The following MNS1 variants were observed in gnomAD, a reference collection of about 807,000 sequenced individuals.
The protein encoded by MNS1 is meiosis-specific nuclear structural protein 1.
Under a neutral mutation model 72.0 loss-of-function variants are expected in MNS1, and 63 were observed. That is an observed-to-expected ratio of 0.87 (90% CI 0.71 to 1.08). The LOEUF is 1.08. MNS1 is among the 50% of genes least tolerant of loss of function. MNS1 has a pLI of 0.00. For missense variants in MNS1, 604 were observed against 562.4 expected, an observed-to-expected ratio of 1.07 and a Z score of -0.75; for synonymous variants, 188 against 172.1, an observed-to-expected ratio of 1.09 and a Z score of -0.72.
chr15:56,461,857 A>G (rs943297268), intron 2 of MNS1, among the ~76,000 whole-genome samples: 12 of 152,146 alleles, frequency 7.9e-5, no homozygotes, highest in Non-Finnish European at 5.9e-5. Flanking sequence ...CAACCACAAC[A>G]TAGGTAGACA....
rs1194897373 is a variant in MNS1 at position 56,454,469 on chromosome 15, C to A, written c.353+1925G>T. ...ACTCATTCATTCTATTTTTTTTGTA[C>A]CCAGGTAAATCTGTTATCTTTTAAT... On this transcript the variant is annotated intron_variant, in intron 3 of 9. Coordinates refer to ENST00000260453, the MANE Select transcript of MNS1 (RefSeq NM_018365.4). 2.6e-5 allele frequency among the ~76,000 whole-genome samples: 4 copies of A among 152,088 alleles called. No individual in the cohort carries two copies. In the South Asian group the frequency reaches 8.3e-4, roughly 32 times the overall value.
At chr15:56,430,056 A>G (rs781060404) in intron 9 of MNS1, 5 of 152,220 alleles carry the variant, frequency 3.3e-5, no homozygotes, top group Non-Finnish European at 5.9e-5. Context: ...AATTACCTAT[A>G]TATCTTTTTC....
chr15:56,452,709 G>A (rs1331400561), intron 3 of MNS1, among the ~76,000 whole-genome samples: 3 of 151,810 alleles, frequency 2.0e-5, no homozygotes, highest in Admixed American at 6.6e-5. Context: ...TAGTAGAGAC[G>A]CGGTTTCACC....
chr15:56,452,582 G>A (rs1212164061), intron 3 of MNS1, among the ~76,000 whole-genome samples: 1 of 150,136 alleles, frequency 6.7e-6, no homozygotes, highest in African/African-American at 2.5e-5. Context: ...GCAGTGGCGC[G>A]ATCTTGGCTC....
At chr15:56,435,758 G>A (rs1484170667) in intron 7 of MNS1, among the ~76,000 whole-genome samples, 4 of 151,816 alleles carry the variant, frequency 2.6e-5, no homozygotes, top group Admixed American at 6.6e-5. Context: ...AAATTAACAC[G>A]AATTCTACAC....
chr15:56,457,793 A>C (rs1169957965), intron 2 of MNS1, among the ~76,000 whole-genome samples: 1 of 152,046 alleles, frequency 6.6e-6, no homozygotes, highest in Non-Finnish European at 1.5e-5. Context: ...CCAGCTGGGC[A>C]ACAGAGCAAG....
intron 7 of MNS1, 70 bp downstream of exon 7, chr15:56,443,358 ATC>A: frequency 1.8e-6 from 2 of 1,105,420 alleles, no homozygotes; most frequent in Non-Finnish European, 2.5e-6. Context: ...TAAATGTACT[ATC>A]TCTTTTCTGC....
At chr15:56,457,703 G>T (rs1450513061) in intron 2 of MNS1, among the ~76,000 whole-genome samples, 1 of 151,684 alleles carries the variant, frequency 6.6e-6, no homozygotes, top group African/African-American at 2.4e-5. Context: ...AGTTCTAGCT[G>T]TATCAGGAGG....
intron 7 of MNS1, among the ~76,000 whole-genome samples, chr15:56,435,191 G>GTA (rs2050700021): frequency 6.6e-6 from 1 of 151,866 alleles, no homozygotes; most frequent in South Asian, 2.1e-4. Flanking sequence ...TTAGGAAAAT[G>GTA]TATATATATA....
chr15:56,431,458 T>C lies in MNS1; in HGVS notation c.1310A>G (p.Gln437Arg). 1 of 1,613,662 alleles carries C rather than the reference T, an allele frequency of 6.2e-7. No homozygotes were observed. The highest frequency in any genetic ancestry group is 8.5e-7 in the Non-Finnish European group (1 of 1,179,874). ...LEEWQLQQRR[Q>R]GFINAIIEEE... ...TTCAATAATTGCATTAATAAATCCT[T>C]GCCGCCTTTGCTGCAACTGCCACTC... is the stretch of plus-strand genomic sequence containing the variant. The change falls in exon 9 of 10, where the codon CAA (glutamine) becomes CGA (arginine). Residue 437 changes from glutamine (Q) to arginine (R), a missense_variant. Physicochemically the swap from Gln to Arg is conservative, Grantham distance 43. Transcript: ENST00000260453.
intron 4 of MNS1, among the ~76,000 whole-genome samples, chr15:56,444,897 A>G (rs538872423): frequency 2.0e-4 from 31 of 152,198 alleles, no homozygotes; most frequent in African/African-American, 7.5e-4. Flanking sequence ...CTCTCTCAGG[A>G]CAATACCTGA....
Position 56,431,572 on chromosome 15 carries a change from A to T in MNS1, c.1270-74T>A, listed in dbSNP as rs2050597231. ...ACGAAGTTTTCAAATAAAACTACTC[A>T]TGCAATGAATTAGATAAAATTGATG... is the stretch of plus-strand genomic sequence containing the variant. On this transcript the variant is annotated intron_variant, in intron 8 of 9. Coordinates refer to ENST00000260453, the MANE Select transcript of MNS1 (RefSeq NM_018365.4). The T allele has an allele frequency of 2.7e-6, 4 of 1,460,172 alleles. No individual in the cohort carries two copies. In the South Asian group the frequency reaches 4.8e-5, roughly 18 times the overall value. 90.5% of individuals were successfully genotyped at this position (1,460,172 alleles called of 1,614,324 possible).
intron 7 of MNS1, 63 bp from the exon 8 acceptor site, chr15:56,434,458 G>T: frequency 1.4e-6 from 2 of 1,469,434 alleles, no homozygotes; most frequent in South Asian, 1.3e-5. Context: ...TATAAGGAAA[G>T]AGTGATAGAG....
intron 2 of MNS1, among the ~76,000 whole-genome samples, chr15:56,457,873 C>G (rs542197917): frequency 6.7e-6 from 1 of 149,146 alleles, no homozygotes; most frequent in South Asian, 2.2e-4. Context: ...ACCTCTTAAG[C>G]ATTTATCCCA....
At chr15:56,436,695 T>C (rs705451) in intron 7 of MNS1, among the ~76,000 whole-genome samples, 4,787 of 151,936 alleles carry the variant, frequency 0.032, 188 homozygotes, top group East Asian at 0.094. Flanking sequence ...ATCAACAAAA[T>C]TGATAGACCG....
At chr15:56,458,737 T>G (rs1368213732) in intron 2 of MNS1, among the ~76,000 whole-genome samples, 2 of 152,214 alleles carry the variant, frequency 1.3e-5, no homozygotes, top group African/African-American at 4.8e-5. Flanking sequence ...TTCTTTCACT[T>G]AGTAATATGC....
chr15:56,461,135 C>T (rs936968964), intron 2 of MNS1, among the ~76,000 whole-genome samples: 1 of 152,112 alleles, frequency 6.6e-6, no homozygotes, highest in Non-Finnish European at 1.5e-5. Context: ...TTCAACTGAT[C>T]GGATGAGGCC....
intron 4 of MNS1, 121 bp from the exon 5 acceptor site, chr15:56,444,794 G>A: frequency 5.5e-6 from 5 of 913,828 alleles, no homozygotes; most frequent in Non-Finnish European, 8.1e-6. Context: ...TTTTTCATCT[G>A]TCTAGGTTAA....
chr15:56,438,511 T>C (rs2050766461), intron 7 of MNS1, among the ~76,000 whole-genome samples: 1 of 152,112 alleles, frequency 6.6e-6, no homozygotes, highest in South Asian at 2.1e-4. Flanking sequence ...GATTAAAGAC[T>C]TACATGTTAG....
Sources: gnomAD v4.1 joint callset for allele counts (sites outside exome capture counted in the v4.1 genomes callset) on GRCh38, gnomAD v4.1.1 for gene constraint, MANE v1.5 for transcripts, NCBI Gene and HGNC (gene_info 2026-07-23, HGNC 2026-07-21) for gene names.